The following AP4M1 variants were observed in gnomAD, a reference collection of about 807,000 sequenced individuals.
AP4M1 encodes the protein AP-4 complex subunit mu-1.
Under a neutral mutation model 62.4 loss-of-function variants are expected in AP4M1, and 58 were observed. The observed-to-expected ratio is 0.93, with a 90% CI of 0.75 to 1.16. AP4M1 has a LOEUF of 1.16. Among genes scored for constraint, AP4M1 ranks in the 50% most tolerant of loss-of-function variants. AP4M1 has a pLI of 0.00. For missense variants in AP4M1, 626 were observed against 585.4 expected (o/e 1.07, Z -0.72); for synonymous variants, 290 against 239.7 (o/e 1.21, Z -1.94).
chr7:100,107,801 T>C lies in AP4M1; in HGVS notation c.*919T>C. On this transcript the variant is annotated 3_prime_UTR_variant, in exon 15 of 15. Coordinates refer to ENST00000359593, the MANE Select transcript of AP4M1 (RefSeq NM_004722.4). The stretch of plus-strand genomic sequence containing the variant: ...CAGCTACAGCCCTGCAGGACCCTGG[T>C]GGGCGCCTCTTCCAGCTCTTGACTT... 7.2e-7 allele frequency: 1 copy of C among 1,382,428 alleles called. No homozygotes were observed. The highest frequency in any genetic ancestry group is 9.7e-7 in the Non-Finnish European group (1 of 1,030,192). The allele number at this position is 1,382,428 out of a possible 1,614,324, so 85.6% of individuals were successfully genotyped here.
chr7:100,107,500 T>TG lies in AP4M1; in HGVS notation c.*624dup, dbSNP rs750417514. 5.6e-6 allele frequency: 9 copies of TG among 1,613,812 alleles called. No homozygotes were observed. The highest frequency in any genetic ancestry group is 2.7e-5 in the African/African-American group (2 of 74,860). ...CTCCCAGGACCAGAGGGAGCAGTGC[T>TG]GGGGGGTGCGGTGGTGGCGGTGGAG... On this transcript the variant is annotated 3_prime_UTR_variant, in exon 15 of 15. Coordinates refer to ENST00000359593, the MANE Select transcript of AP4M1 (RefSeq NM_004722.4).
upstream of AP4M1, chr7:100,101,569 G>A: frequency 5.5e-6 from 5 of 907,144 alleles, no homozygotes; most frequent in East Asian, 2.5e-5. Flanking sequence ...GGTAGTGCAG[G>A]CGCCGGGTTT....
At chr7:100,102,465 G>C (rs1426752242) in intron 2 of AP4M1, 2 of 617,394 alleles carry the variant, frequency 3.2e-6, no homozygotes, top group Admixed American at 2.5e-5. Flanking sequence ...AGCTCCCTGC[G>C]TGACTCCATC....
In AP4M1 at chr7:100,105,246, G is replaced by A. The variant is rs750601796; in HGVS notation, c.734G>A (p.Gly245Glu). ...TCTCTCTCTCTCTTTCCAGGTTATG[G>A]GCCAGGAATCCGGGTCGATGAAGTC... Reference protein sequence around the residue: ...CVGKSELRGYGPGIRVDEVSF... With the variant: ...CVGKSELRGYEPGIRVDEVSF... The change falls in exon 10 of 15, where the codon GGG (glycine) becomes GAG (glutamate). Residue 245 changes from glycine (G) to glutamate (E), a missense_variant. Gly to Glu is a moderately conservative substitution (Grantham distance 98). Transcript: ENST00000359593. 5 of 1,614,016 alleles carry A rather than the reference G, an allele frequency of 3.1e-6. No individual in the cohort carries two copies. In the South Asian group the frequency reaches 5.5e-5, roughly 18 times the overall value.
Position 100,101,940 on chromosome 7 carries a change from T to C in AP4M1, c.119T>C (p.Leu40Pro). 1 of 1,613,188 alleles carries C rather than the reference T, an allele frequency of 6.2e-7. No homozygotes were observed. Among genetic ancestry groups the C allele is most frequent in the South Asian group, 1.1e-5 (1 of 91,090 alleles). Residue 40 changes from leucine (L) to proline (P), a missense_variant, in exon 2 of 15, where the codon CTG becomes CCG. By Grantham distance (98) the Leu-to-Pro change is moderately conservative (BLOSUM62 -3). Transcript: ENST00000359593. ...CTCTTCTACCGGAAGCTGACGGGAC[T>C]GCCAGGAGACGAGTCCCCGGTTGTC... ...AELFYRKLTG[L>P]PGDESPVVMH...
chr7:100,105,474 T>A lies in AP4M1; in HGVS notation c.864T>A (p.Asp288Glu). 1 of 1,614,064 alleles carries A rather than the reference T, an allele frequency of 6.2e-7. No homozygotes were observed. The highest frequency in any genetic ancestry group is 8.5e-7 in the Non-Finnish European group (1 of 1,180,002). The change falls in exon 11 of 15, where the codon GAT becomes GAA. Residue 288 changes from aspartate to glutamate, a missense_variant. Transcript: ENST00000359593. Reference sequence around the variant, plus strand: ...CTGTGATGCGGTACCAACTCTCCGATGACCTCCCCTCACCGCTCCCCTTCC... The same window carrying A: ...CTGTGATGCGGTACCAACTCTCCGAAGACCTCCCCTCACCGCTCCCCTTCC... The part of the protein sequence containing the change: ...ELTVMRYQLS[D>E]DLPSPLPFRL...
chr7:100,102,188 C>T (rs1386431559), intron 2 of AP4M1: 1 of 642,096 alleles, frequency 1.6e-6, no homozygotes, highest in Non-Finnish European at 2.8e-6. Flanking sequence ...CGAAATCAGC[C>T]TGGCCAACAT....
At position 100,106,640 on chromosome 7, in the gene AP4M1, T is replaced by C. The variant is rs771971711; in HGVS notation, c.1138-18T>C. 4 of 1,364,902 alleles carry C rather than the reference T, an allele frequency of 2.9e-6. No individual in the cohort carries two copies. In the Admixed American group the frequency reaches 6.2e-5, roughly 21 times the overall value. The allele number at this position is 1,364,902 out of a possible 1,614,324, so 84.5% of individuals were successfully genotyped here. ...AGCTTCTTGCCCTCCTTCCTCTCCC[T>C]GCCTCTGCCCCTCACAGATGGACGT... On this transcript the variant is annotated intron_variant, in intron 14 of 14. Coordinates refer to ENST00000359593, the MANE Select transcript of AP4M1 (RefSeq NM_004722.4).
At chr7:100,106,598 G>GTTCCCCCAGCGTGGTCAGC (rs1171193881) in intron 14 of AP4M1, 60 bp from the exon 15 acceptor site, 5 of 1,575,860 alleles carry the variant, frequency 3.2e-6, no homozygotes, top group Non-Finnish European at 4.3e-6. Flanking sequence ...CTGCTGCCTG[G>GTTCCCCCAGCGTGGTCAGC]TTCCCCCAGC....
In AP4M1 at chr7:100,106,811, T is replaced by C. The variant is rs757944351; in HGVS notation, c.1291T>C (p.Cys431Arg). The part of the protein sequence containing the change: ...VRFLRLAFRP[C>R]GNANPHKWVR... ...ATTCCTCAGGCTGGCCTTCAGGCCA[T>C]GCGGCAATGCCAACCCCCACAAGTG... Residue 431 changes from cysteine (C) to arginine (R), a missense_variant, in exon 15 of 15, where the codon TGC becomes CGC. Physicochemically the swap from Cys to Arg is radical, Grantham distance 180. Coordinates refer to ENST00000359593, the MANE Select transcript of AP4M1 (RefSeq NM_004722.4). The C allele has an allele frequency of 1.9e-6, 3 of 1,613,920 alleles. No homozygotes were observed. The highest frequency in any genetic ancestry group is 2.2e-5 in the East Asian group (1 of 44,892).
chr7:100,101,517 A>G, upstream of AP4M1: 1 of 786,728 alleles, frequency 1.3e-6, no homozygotes, highest in Non-Finnish European at 2.1e-6. Context: ...AGAATGAGTG[A>G]CGGGGAGGCG....
intron 4 of AP4M1, 30 bp from the exon 5 acceptor site, chr7:100,103,379 T>G (rs932411375): frequency 6.3e-7 from 1 of 1,586,124 alleles, no homozygotes; most frequent in Non-Finnish European, 8.7e-7. Flanking sequence ...CCTCCACTGA[T>G]CACTCAGACT....
Position 100,108,193 on chromosome 7 carries a change from G to A in AP4M1, c.*1311G>A, listed in dbSNP as rs1194362016. ...AAGAGGAGTCTGAAGGGAGAGGCCT[G>A]GGCTCCCCTCGCTCTTCCTCAGTGG... On this transcript the variant is annotated 3_prime_UTR_variant, in exon 15 of 15. Coordinates refer to ENST00000359593, the MANE Select transcript of AP4M1 (RefSeq NM_004722.4). 6.0e-6 allele frequency: 9 copies of A among 1,501,914 alleles called. No individual in the cohort carries two copies. Among genetic ancestry groups the A allele is most frequent in the Non-Finnish European group, 8.0e-6 (9 of 1,121,318 alleles). 93.0% of individuals were successfully genotyped at this position (1,501,914 alleles called of 1,614,324 possible). A position where few individuals can be genotyped will look rare whatever the true frequency, so the allele number is the denominator to read the frequency against.
upstream of AP4M1, chr7:100,100,840 C>T: frequency 9.9e-7 from 1 of 1,008,926 alleles, no homozygotes. Flanking sequence ...CGGCGCGCAG[C>T]GGCCCCGGCC....
upstream of AP4M1, chr7:100,101,534 G>A (rs1796030430): frequency 1.1e-5 from 9 of 791,804 alleles, no homozygotes; most frequent in South Asian, 1.1e-4. Flanking sequence ...GGCGGTGCGG[G>A]CGTCGGAAGG....
intron 8 of AP4M1, 38 bp downstream of exon 8, chr7:100,104,978 G>T (rs758148261): frequency 4.5e-5 from 72 of 1,614,024 alleles, no homozygotes; most frequent in Non-Finnish European, 5.6e-5. Context: ...GTTGGGGTTA[G>T]GGCGGGTTCC....
Position 100,105,451 on chromosome 7 carries a change from G to A in AP4M1, c.841G>A (p.Val281Met). 1 of 1,614,004 alleles carries A rather than the reference G, an allele frequency of 6.2e-7. No individual in the cohort carries two copies. The highest frequency in any genetic ancestry group is 8.5e-7 in the Non-Finnish European group (1 of 1,179,924). Residue 281 changes from valine to methionine, a missense_variant, in exon 11 of 15, where the codon GTG (valine) becomes ATG (methionine). Val to Met is a conservative substitution (Grantham distance 21). Coordinates refer to ENST00000359593, the MANE Select transcript of AP4M1 (RefSeq NM_004722.4). ...TTGCTCTCTGGTCTCTCAGCTGACT[G>A]TGATGCGGTACCAACTCTCCGATGA... ...RLQPPQGELT[V>M]MRYQLSDDLP...
In AP4M1 at chr7:100,102,792, T is replaced by C; in HGVS notation, c.254+11T>C. ...AGAACTGCTCTCCAGGTGAGGAGGGTTGGGCTGGGCACCTGGTAGCTAGGA... is the reference window on the plus strand; with the variant it reads ...AGAACTGCTCTCCAGGTGAGGAGGGCTGGGCTGGGCACCTGGTAGCTAGGA... On this transcript the variant is annotated intron_variant, in intron 3 of 14. Transcript: ENST00000359593. The C allele has an allele frequency of 6.2e-7, 1 of 1,613,430 alleles. No individual in the cohort carries two copies. The highest frequency in any genetic ancestry group is 8.5e-7 in the Non-Finnish European group (1 of 1,179,408).
rs556762859 is a variant in AP4M1 at position 100,107,707 on chromosome 7, T to C, written c.*825T>C. On this transcript the variant is annotated 3_prime_UTR_variant, in exon 15 of 15. Coordinates refer to ENST00000359593, the MANE Select transcript of AP4M1 (RefSeq NM_004722.4). Reference sequence around the variant, plus strand: ...TGGCGAGGACGCTTCACTCGCTCCCTGCCTGAACAAGTTGTTCCTGTAGTT... The same window carrying C: ...TGGCGAGGACGCTTCACTCGCTCCCCGCCTGAACAAGTTGTTCCTGTAGTT... The C allele has an allele frequency of 2.3e-5, 36 of 1,542,044 alleles. No homozygotes were observed. In the East Asian group the frequency reaches 6.2e-4, roughly 26 times the overall value.
Sources: allele counts gnomAD v4.1 joint callset, GRCh38; gene constraint gnomAD v4.1.1; transcripts MANE v1.5; gene names NCBI Gene and HGNC (gene_info 2026-07-23, HGNC 2026-07-21).